DCP1B: variants seen among roughly 807,000 people sequenced by gnomAD.
DCP1B encodes mRNA-decapping enzyme 1B.
In DCP1B, 47 loss-of-function variants were observed where a neutral mutation model predicts 60.5. That is an observed-to-expected ratio of 0.78 (90% CI 0.61 to 0.99). The LOEUF is 0.99. DCP1B is among the 50% of genes least tolerant of loss of function. DCP1B has a pLI of 0.00. For missense variants in DCP1B, 725 were observed against 756.8 expected (o/e 0.96, Z 0.49); for synonymous variants, 267 against 280.3 (o/e 0.95, Z 0.47).
chr12:1,977,649 G>A (rs1311526333), intron 3 of DCP1B, among the ~76,000 whole-genome samples: 1 of 152,186 alleles, frequency 6.6e-6, no homozygotes, highest in Non-Finnish European at 1.5e-5. Flanking sequence ...TAAGGGGCCT[G>A]TAATTTATTA....
chr12:1,949,059 G>A (rs753178404), intron 8 of DCP1B, 27 bp downstream of exon 8: 2 of 1,603,738 alleles, frequency 1.2e-6, no homozygotes, highest in South Asian at 2.2e-5. Flanking sequence ...GTGGTCAGGT[G>A]CGAAGGGAGA....
chr12:1,958,760 A>C (rs575683642), intron 5 of DCP1B, among the ~76,000 whole-genome samples: 1 of 97,368 alleles, frequency 1.0e-5, no homozygotes, highest in Non-Finnish European at 2.1e-5. Flanking sequence ...CCCGGAAGGA[A>C]ACAGGGGAAA....
chr12:1,999,449 T>C (rs2041677053), intron 1 of DCP1B, among the ~76,000 whole-genome samples: 1 of 152,214 alleles, frequency 6.6e-6, no homozygotes, highest in Non-Finnish European at 1.5e-5. Context: ...CAGTGGCTCA[T>C]GTCTGTAATC....
intron 1 of DCP1B, among the ~76,000 whole-genome samples, chr12:2,001,240 A>G (rs2042140172): frequency 6.6e-6 from 1 of 152,016 alleles, no homozygotes; most frequent in African/African-American, 2.4e-5. Flanking sequence ...CTTTCTGAGC[A>G]AAGTCCAGGG....
chr12:1,956,030 C>G (rs79285132), intron 5 of DCP1B, among the ~76,000 whole-genome samples: 1 of 152,166 alleles, frequency 6.6e-6, no homozygotes, highest in Non-Finnish European at 1.5e-5. Flanking sequence ...AACCAAAAAG[C>G]TGACTCAAAC....
chr12:1,947,993 A>G (rs2154456312), intron 8 of DCP1B, among the ~76,000 whole-genome samples: 1 of 152,336 alleles, frequency 6.6e-6, no homozygotes, highest in East Asian at 1.9e-4. Context: ...AAAATGTTGT[A>G]CTAATTGAGA....
At chr12:1,993,165 C>T (rs748398736) in intron 3 of DCP1B, 99 bp downstream of exon 3, 10 of 1,536,524 alleles carry the variant, frequency 6.5e-6, no homozygotes, top group Admixed American at 1.7e-5. Flanking sequence ...CCCATAGCCA[C>T]TGATACCAAA....
chr12:1,974,844 GCA>G (rs1357797760), intron 3 of DCP1B, among the ~76,000 whole-genome samples: 2 of 152,028 alleles, frequency 1.3e-5, no homozygotes, highest in African/African-American at 4.8e-5. Context: ...TCCTATAATC[GCA>G]GTTTTTGAGA....
chr12:1,987,568 G>A (rs892724554), intron 3 of DCP1B, among the ~76,000 whole-genome samples: 2 of 152,092 alleles, frequency 1.3e-5, no homozygotes, highest in Non-Finnish European at 1.5e-5. Flanking sequence ...ATCTACGACA[G>A]TTCTTTCTGC....
chr12:1,942,155 A>G (rs2030295320), downstream of DCP1B, among the ~76,000 whole-genome samples: 1 of 152,254 alleles, frequency 6.6e-6, no homozygotes, highest in Admixed American at 6.5e-5. Context: ...TCTCTGATAA[A>G]ACAGACTTTA....
intron 7 of DCP1B, 72 bp downstream of exon 7, chr12:1,952,340 CTTTT>C (rs35978908): frequency 1.9e-5 from 25 of 1,319,572 alleles, no homozygotes; most frequent in East Asian, 5.3e-5. Context: ...AGCCTGGCTA[CTTTT>C]TTTTTTTTTT....
chr12:1,977,154 G>A (rs922235571), intron 3 of DCP1B, among the ~76,000 whole-genome samples: 8 of 152,154 alleles, frequency 5.3e-5, no homozygotes, highest in Admixed American at 1.3e-4. Context: ...AAGAAAAGAC[G>A]TAACAAAGTC....
chr12:1,997,871 G>A (rs1261491722), intron 2 of DCP1B, 64 bp downstream of exon 2: 4 of 1,324,374 alleles, frequency 3.0e-6, no homozygotes, highest in Non-Finnish European at 4.3e-6. Flanking sequence ...GAAGAAGAGT[G>A]ACACAACGGA....
intron 7 of DCP1B, chr12:1,950,271 G>A: frequency 1.4e-6 from 1 of 696,324 alleles, no homozygotes. Context: ...ATTTCGAGGA[G>A]CGGTGCTGAG....
chr12:1,975,744 C>T (rs1206776191), intron 3 of DCP1B, among the ~76,000 whole-genome samples: 2 of 152,154 alleles, frequency 1.3e-5, no homozygotes. Context: ...AGTGACTTTA[C>T]TTTGTAGCAG....
intron 6 of DCP1B, among the ~76,000 whole-genome samples, chr12:1,953,569 T>C (rs2030772184): frequency 6.6e-6 from 1 of 152,148 alleles, no homozygotes; most frequent in Non-Finnish European, 1.5e-5. Context: ...GTTTCACAGA[T>C]TGGGAACCAC....
downstream of DCP1B, among the ~76,000 whole-genome samples, chr12:1,945,428 G>C (rs2030385404): frequency 6.6e-6 from 1 of 152,136 alleles, no homozygotes; most frequent in Admixed American, 6.5e-5. Flanking sequence ...CCATTACTGG[G>C]TATATACCCA....
At chr12:1,941,645 GAC>G (rs200849849), downstream of DCP1B, among the ~76,000 whole-genome samples, 2,112 of 152,210 alleles carry the variant, frequency 0.014, 47 homozygotes, top group African/African-American at 0.047. Flanking sequence ...ATTTATCTTT[GAC>G]ACTGATGACC....
At chr12:1,973,551 T>C (rs1430593048) in intron 3 of DCP1B, among the ~76,000 whole-genome samples, 1 of 152,222 alleles carries the variant, frequency 6.6e-6, no homozygotes, top group Non-Finnish European at 1.5e-5. Flanking sequence ...TGGATTCATG[T>C]TATATCATTC....
Sources: allele counts gnomAD v4.1 joint callset (sites outside exome capture counted in the v4.1 genomes callset), GRCh38; gene constraint gnomAD v4.1.1; transcripts MANE v1.5; gene names NCBI Gene and HGNC (gene_info 2026-07-23, HGNC 2026-07-21).